Variants in CPN1 observed in about 807,000 individuals in gnomAD.
CPN1 encodes the protein carboxypeptidase N subunit 1, also known as carboxypeptidase N catalytic chain.
Under a neutral mutation model 46.4 loss-of-function variants are expected in CPN1, and 37 were observed. The ratio of observed to expected loss-of-function variants is 0.80; its 90% confidence interval spans 0.61 to 1.05. The LOEUF (loss-of-function observed/expected upper bound fraction) is 1.05, where lower values mean the gene tolerates loss of function less well. Ranked by LOEUF, CPN1 falls within the 50% of genes least tolerant of loss-of-function variation. The pLI, the probability that CPN1 is intolerant of heterozygous loss-of-function variation, is 0.00. For missense variants in CPN1, 563 were observed against 602.6 expected (o/e 0.93, Z 0.69); for synonymous variants, 224 against 235.4 (o/e 0.95, Z 0.44).
intron 2 of CPN1, among the ~76,000 whole-genome samples, chr10:100,070,835 T>C (rs546332419): frequency 1.3e-5 from 2 of 152,372 alleles, no homozygotes; most frequent in African/African-American, 4.8e-5. Flanking sequence ...ATTTTAAATG[T>C]ACAATTCAAT....
At chr10:100,075,265 G>A (rs1399967269) in intron 2 of CPN1, among the ~76,000 whole-genome samples, 1 of 152,092 alleles carries the variant, frequency 6.6e-6, no homozygotes, top group East Asian at 1.9e-4. Flanking sequence ...ACTCCAGCCT[G>A]GGCAACAAAG....
chr10:100,065,299 G>C lies in CPN1; in HGVS notation c.648C>G (p.His216Gln), dbSNP rs2041448460. ...SFNFVLSANL[H>Q]GGAVVANYPY... is the part of the protein sequence containing the mutation. ...GGTAATTGGCCACCACCGCCCCTCC[G>C]TGGAGATTGGCTGAAAGAACAAAGT... The change falls in exon 4 of 9, where the codon CAC (histidine) becomes CAG (glutamine). Residue 216 changes from histidine to glutamine, a missense_variant. His to Gln is a conservative substitution (Grantham distance 24). Coordinates refer to ENST00000370418, the MANE Select transcript of CPN1 (RefSeq NM_001308.3). 1 of 1,614,148 alleles carries C rather than the reference G, an allele frequency of 6.2e-7. No homozygotes were observed. Among genetic ancestry groups the C allele is most frequent in the Non-Finnish European group, 8.5e-7 (1 of 1,180,018 alleles).
At chr10:100,046,797 G>A (rs2041315359) in intron 8 of CPN1, among the ~76,000 whole-genome samples, 1 of 150,984 alleles carries the variant, frequency 6.6e-6, no homozygotes, top group African/African-American at 2.4e-5. Context: ...AAAATGGCCG[G>A]GTGCGGTGGC....
chr10:100,070,548 A>C (rs983392502), intron 2 of CPN1, among the ~76,000 whole-genome samples: 2 of 152,128 alleles, frequency 1.3e-5, no homozygotes, highest in Non-Finnish European at 2.9e-5. Flanking sequence ...CATGAATCCT[A>C]TATTTGAAGC....
intron 1 of CPN1, 147 bp from the exon 2 acceptor site, chr10:100,076,254 C>G (rs1486503629): frequency 2.5e-6 from 2 of 796,342 alleles, no homozygotes; most frequent in East Asian, 5.3e-5. Flanking sequence ...TGAGCCCCTT[C>G]CTAACCAATT....
Position 100,081,393 on chromosome 10 carries a change from CA to C in CPN1, c.223+9del. ...GCCCCACACACCCTCAAGAGCTGTTCAGAACTTACAGGGCTCGTGGATTCCA... is the reference window on the plus strand; with the variant it reads ...GCCCCACACACCCTCAAGAGCTGTTCGAACTTACAGGGCTCGTGGATTCCA... On this transcript the variant is annotated intron_variant, in intron 1 of 8. Transcript: ENST00000370418. 6.2e-7 allele frequency: 1 copy of C among 1,610,210 alleles called. No homozygotes were observed. Among genetic ancestry groups the C allele is most frequent in the Non-Finnish European group, 8.5e-7 (1 of 1,178,648 alleles).
chr10:100,045,874 T>A (rs2041308151), intron 8 of CPN1, among the ~76,000 whole-genome samples: 1 of 152,154 alleles, frequency 6.6e-6, no homozygotes, highest in African/African-American at 2.4e-5. Context: ...GAGGGTCTAC[T>A]AAGGGTTGTG....
At chr10:100,049,315 T>C (rs1019978074) in intron 7 of CPN1, among the ~76,000 whole-genome samples, 4 of 149,440 alleles carry the variant, frequency 2.7e-5, no homozygotes, top group Non-Finnish European at 5.9e-5. Context: ...CAGGCTGGAA[T>C]GCAGTGGTAT....
intron 8 of CPN1, among the ~76,000 whole-genome samples, chr10:100,045,313 T>C (rs1409712246): frequency 2.0e-5 from 3 of 152,200 alleles, no homozygotes; most frequent in African/African-American, 7.2e-5. Context: ...GCAAAACTTA[T>C]ATATGTAGCT....
At chr10:100,052,209 C>T (rs1487826523) in intron 7 of CPN1, among the ~76,000 whole-genome samples, 1 of 151,992 alleles carries the variant, frequency 6.6e-6, no homozygotes, top group Non-Finnish European at 1.5e-5. Context: ...TAGCTGGGAT[C>T]ACAGGCACAC....
intron 6 of CPN1, among the ~76,000 whole-genome samples, chr10:100,054,961 G>C (rs1360423099): frequency 3.3e-5 from 5 of 150,988 alleles, no homozygotes; most frequent in Non-Finnish European, 7.4e-5. Flanking sequence ...CATTTAGCTA[G>C]GTGCAGTGGC....
chr10:100,049,545 G>A (rs557314333), intron 7 of CPN1, among the ~76,000 whole-genome samples: 2 of 152,288 alleles, frequency 1.3e-5, no homozygotes, highest in African/African-American at 4.8e-5. Flanking sequence ...TTACAGGCAT[G>A]AGCCACCGAG....
At chr10:100,079,035 G>A (rs979419043) in intron 1 of CPN1, among the ~76,000 whole-genome samples, 3 of 152,178 alleles carry the variant, frequency 2.0e-5, no homozygotes, top group Admixed American at 1.3e-4. Context: ...ATATCAGCAC[G>A]GCATGTGCCA....
At chr10:100,055,665 C>T (rs2041381219) in intron 6 of CPN1, among the ~76,000 whole-genome samples, 2 of 152,314 alleles carry the variant, frequency 1.3e-5, no homozygotes, top group South Asian at 4.1e-4. Context: ...GCTGGGATTA[C>T]AGGCATGCGC....
Position 100,069,749 on chromosome 10 carries a change from G to A in CPN1, c.541C>T (p.His181Tyr). The change falls in exon 3 of 9, where the codon CAC becomes TAC. Residue 181 changes from histidine (H) to tyrosine (Y), a missense_variant. His to Tyr is a moderately conservative substitution (Grantham distance 83, BLOSUM62 2). Transcript: ENST00000370418. ...YYNEKYGGPN[H>Y]HLPLPDNWKS... The stretch of plus-strand genomic sequence containing the variant: ...CAGTTGTCTGGAAGGGGCAGGTGGT[G>A]GTTGGGGCCTCCGTACTTCTCGTTA... 6.2e-7 allele frequency: 1 copy of A among 1,613,932 alleles called. No homozygotes were observed. Among genetic ancestry groups the A allele is most frequent in the South Asian group, 1.1e-5 (1 of 91,056 alleles).
At chr10:100,064,768 T>A (rs919544241) in intron 4 of CPN1, among the ~76,000 whole-genome samples, 2 of 152,296 alleles carry the variant, frequency 1.3e-5, no homozygotes. Flanking sequence ...TATTTAAACC[T>A]TTTTCATGTA....
intron 8 of CPN1, among the ~76,000 whole-genome samples, chr10:100,046,811 C>T (rs1466763382): frequency 1.3e-5 from 2 of 151,676 alleles, no homozygotes; most frequent in African/African-American, 2.4e-5. Flanking sequence ...CGGTGGCTCA[C>T]GTCTGTAATC....
At chr10:100,054,312 C>T (rs1310903422) in intron 7 of CPN1, 35 bp downstream of exon 7, 10 of 1,525,164 alleles carry the variant, frequency 6.6e-6, no homozygotes, top group Middle Eastern at 3.4e-4. Flanking sequence ...CAGGAGTTAA[C>T]GCTTCCTTCT....
intron 2 of CPN1, among the ~76,000 whole-genome samples, chr10:100,073,924 C>A (rs2041499874): frequency 6.6e-6 from 1 of 152,060 alleles, no homozygotes; most frequent in Non-Finnish European, 1.5e-5. Context: ...CAAGGCTCTT[C>A]CATCTTTAAA....
Sources: allele counts gnomAD v4.1 joint callset (sites outside exome capture counted in the v4.1 genomes callset), GRCh38; gene constraint gnomAD v4.1.1; transcripts MANE v1.5; gene names NCBI Gene and HGNC (gene_info 2026-07-23, HGNC 2026-07-21).